AFF3: variants seen among roughly 807,000 people sequenced by gnomAD.
The protein encoded by AFF3 is AF4/FMR2 family member 3.
Under a neutral mutation model 129.7 loss-of-function variants are expected in AFF3, and 32 were observed. That is an observed-to-expected ratio of 0.25 (90% CI 0.19 to 0.33). The LOEUF is 0.33. AFF3 is among the 10% of genes least tolerant of loss of function. The pLI, the probability that AFF3 is intolerant of heterozygous loss-of-function variation, is 1.00. For synonymous variants in AFF3, 644 were observed against 635.4 expected (o/e 1.01, Z -0.20); for missense variants, 1,373 against 1,592.0 (o/e 0.86, Z 2.34).
At chr2:99,944,154 G>A (rs866160452) in intron 7 of AFF3, among the ~76,000 whole-genome samples, 3 of 152,058 alleles carry the variant, frequency 2.0e-5, no homozygotes, top group African/African-American at 4.8e-5. Context: ...TCCCGCCTCC[G>A]CTTCCCAAAG....
At chr2:99,675,876 G>A (rs1322056653) in intron 11 of AFF3, among the ~76,000 whole-genome samples, 3 of 152,076 alleles carry the variant, frequency 2.0e-5, no homozygotes, top group African/African-American at 7.2e-5. Context: ...GGAAACATAG[G>A]TATATCAAAC....
Position 99,708,638 on chromosome 2 carries a change from T to C in AFF3, c.1091+18439A>G, listed in dbSNP as rs374320236. Among the ~76,000 whole-genome samples, 20 of 152,324 alleles carry C rather than the reference T, an allele frequency of 1.3e-4. 1 individual carries two copies. The South Asian group carries it at 1.7e-3, about 13-fold the overall frequency. ...CTCACTTTGGGGCAATTTAGCATGA[T>C]TAGTAATAGTGATTATTAGAAAACC... is the stretch of plus-strand genomic sequence containing the variant. On this transcript the variant is annotated intron_variant, in intron 11 of 24. Transcript: ENST00000672756.
At chr2:100,020,048 T>C (rs981079697) in intron 4 of AFF3, among the ~76,000 whole-genome samples, 1 of 152,208 alleles carries the variant, frequency 6.6e-6, no homozygotes, top group African/African-American at 2.4e-5. Context: ...CACCTTCTCT[T>C]ATCAGCCACA....
chr2:99,846,519 T>A (rs1489461668), intron 7 of AFF3, among the ~76,000 whole-genome samples: 5 of 152,248 alleles, frequency 3.3e-5, no homozygotes, highest in African/African-American at 9.6e-5. Context: ...CGAAAACACA[T>A]CTGATTATCA....
Position 99,593,874 on chromosome 2 carries a change from G to A in AFF3, c.1787C>T (p.Ala596Val). The A allele has an allele frequency of 6.5e-7, 1 of 1,540,416 alleles. No individual in the cohort carries two copies. Among genetic ancestry groups the A allele is most frequent in the South Asian group, 1.2e-5 (1 of 84,848 alleles). The change falls in exon 15 of 25, where the codon GCC becomes GTC. Residue 596 changes from alanine to valine, a missense_variant. By Grantham distance (64) the Ala-to-Val change is moderately conservative. This residue lies in a region of AFF3 where 466 missense variants were observed against 505.0 expected (regional missense o/e 0.92). Transcript: ENST00000672756. Reference protein sequence around the residue: ...KPTRRTERTSAGDGANCHRPE... With the variant: ...KPTRRTERTSVGDGANCHRPE... ...CCGGTGGCAGTTGGCGCCGTCCCCG[G>A]CTGAGGTCCTCTCGGTGCGCCTGGT...
At chr2:99,966,448 T>C (rs905902501) in intron 7 of AFF3, among the ~76,000 whole-genome samples, 9 of 151,824 alleles carry the variant, frequency 5.9e-5, no homozygotes, top group Non-Finnish European at 1.2e-4. Context: ...CCCAACACTT[T>C]GGGAGGCCGA....
At chr2:99,646,151 C>T (rs1229387691) in intron 13 of AFF3, among the ~76,000 whole-genome samples, 2 of 152,194 alleles carry the variant, frequency 1.3e-5, no homozygotes, top group African/African-American at 2.4e-5. Context: ...GTTTCATCAT[C>T]GATTTGTGTA....
intron 7 of AFF3, among the ~76,000 whole-genome samples, chr2:99,915,695 C>T (rs1395410586): frequency 1.3e-5 from 2 of 152,134 alleles, no homozygotes; most frequent in Admixed American, 6.5e-5. Flanking sequence ...ATTATGTAGC[C>T]AGTCCTATTT....
At chr2:100,111,156 G>A (rs1691498695) in intron 2 of AFF3, among the ~76,000 whole-genome samples, 1 of 152,170 alleles carries the variant, frequency 6.6e-6, no homozygotes, top group Admixed American at 6.5e-5. Flanking sequence ...GGACTTTTAG[G>A]AACAAAATAA....
Position 100,096,006 on chromosome 2 carries a change from G to A in AFF3, c.53+8396C>T, listed in dbSNP as rs540130827. On this transcript the variant is annotated intron_variant, in intron 4 of 24. Coordinates refer to ENST00000672756, the MANE Select transcript of AFF3 (RefSeq NM_001386135.1). ...GTTGTGATTTCTCGTAGGACACTAG[G>A]AAAGTTGCAATTTGCAGCTATGGCC... 9.5e-3 allele frequency among the ~76,000 whole-genome samples: 1,447 copies of A among 152,128 alleles called. 19 individuals are homozygous for A. The highest frequency in any genetic ancestry group is 0.032 in the African/African-American group (1,323 of 41,482).
intron 7 of AFF3, among the ~76,000 whole-genome samples, chr2:99,995,979 A>G (rs1323605145): frequency 2.0e-5 from 3 of 152,244 alleles, no homozygotes; most frequent in African/African-American, 7.2e-5. Flanking sequence ...GGAATTATAA[A>G]TTGGATGTCT....
intron 8 of AFF3, among the ~76,000 whole-genome samples, chr2:99,769,583 A>G (rs968617658): frequency 2.6e-5 from 4 of 152,122 alleles, no homozygotes; most frequent in African/African-American, 9.7e-5. Flanking sequence ...GGCACTGAAT[A>G]ATTAGGTCCT....
At chr2:100,055,645 C>T (rs1012818363) in intron 4 of AFF3, among the ~76,000 whole-genome samples, 1 of 152,090 alleles carries the variant, frequency 6.6e-6, no homozygotes, top group African/African-American at 2.4e-5. Flanking sequence ...GATCAGCAAA[C>T]TTTGTCTGTT....
chr2:99,771,435 C>T (rs1475078987), intron 8 of AFF3, among the ~76,000 whole-genome samples: 1 of 149,746 alleles, frequency 6.7e-6, no homozygotes, highest in Non-Finnish European at 1.5e-5. Context: ...AAAACCAGAG[C>T]AATTCACACT....
At chr2:99,952,566 G>A (rs1676264935) in intron 7 of AFF3, among the ~76,000 whole-genome samples, 1 of 152,028 alleles carries the variant, frequency 6.6e-6, no homozygotes. Flanking sequence ...TTCCTTCCAT[G>A]ACTGCCAGTC....
At chr2:99,585,741 T>C (rs987004939) in intron 16 of AFF3, among the ~76,000 whole-genome samples, 1 of 152,192 alleles carries the variant, frequency 6.6e-6, no homozygotes, top group Non-Finnish European at 1.5e-5. Flanking sequence ...CTTTTTCTTT[T>C]CTTTTTTGAG....
At position 99,660,293 on chromosome 2, in the gene AFF3, T is replaced by G. The variant is rs573790119; in HGVS notation, c.1144-10627A>C. Among the ~76,000 whole-genome samples, 36 of 152,370 alleles carry G rather than the reference T, an allele frequency of 2.4e-4. No homozygotes were observed. The South Asian group carries it at 6.8e-3, about 29-fold the overall frequency. On this transcript the variant is annotated intron_variant, in intron 12 of 24. Transcript: ENST00000672756. ...GAAAATAACACAAAATGTTTTGGTATTTTTGTTAAAAATGCAATCTGGGCT... is the reference window on the plus strand; with the variant it reads ...GAAAATAACACAAAATGTTTTGGTAGTTTTGTTAAAAATGCAATCTGGGCT...
At chr2:99,964,401 G>A (rs182932239) in intron 7 of AFF3, among the ~76,000 whole-genome samples, 1 of 152,104 alleles carries the variant, frequency 6.6e-6, no homozygotes, top group Non-Finnish European at 1.5e-5. Flanking sequence ...AAATCACACA[G>A]AGCATGTTCT....
intron 7 of AFF3, among the ~76,000 whole-genome samples, chr2:100,000,788 C>A (rs1335440996): frequency 1.3e-5 from 2 of 152,202 alleles, no homozygotes; most frequent in Non-Finnish European, 2.9e-5. Flanking sequence ...CCACTTGCTC[C>A]CCGTCACACG....
Sources: gnomAD v4.1 joint callset for allele counts (sites outside exome capture counted in the v4.1 genomes callset) on GRCh38, gnomAD v4.1.1 for gene constraint, gnomAD v4.1.1 regional missense constraint, MANE v1.5 for transcripts, NCBI Gene and HGNC (gene_info 2026-07-23, HGNC 2026-07-21) for gene names.